The following REEP1 variants were observed in gnomAD, a reference collection of about 807,000 sequenced individuals.
The protein encoded by REEP1 is receptor expression-enhancing protein 1.
Under a neutral mutation model 40.3 loss-of-function variants are expected in REEP1, and 22 were observed. The observed-to-expected ratio is 0.55, with a 90% confidence interval of 0.39 to 0.78. The LOEUF (loss-of-function observed/expected upper bound fraction) is 0.78, where lower values mean the gene tolerates loss of function less well. Among genes scored for constraint, REEP1 ranks in the 30% least tolerant of loss-of-function variants. The pLI is 0.00. For missense variants in REEP1, 280 were observed against 361.1 expected (o/e 0.78, Z 1.82); for synonymous variants, 116 against 139.2 (o/e 0.83, Z 1.17).
rs1674081695 is a variant in REEP1, at chr2:86,215,853, CAGA to C, written c.*1183_*1185del. On this transcript the variant is annotated 3_prime_UTR_variant, in exon 9 of 9. Transcript: ENST00000538924. ...CATTCTGCACAGGCCAGGAGGGGAACAGAAGGTGTGAGCCACAGGTGCTCCTGG... is the reference window on the plus strand; with the variant it reads ...CATTCTGCACAGGCCAGGAGGGGAACAGGTGTGAGCCACAGGTGCTCCTGG... 6.6e-6 allele frequency: 1 copy of C among 152,242 alleles called. No individual in the cohort carries two copies. The allele number at this position is 152,242 out of a possible 1,614,324, so 9.4% of individuals were successfully genotyped here.
At chr2:86,242,155 A>C (rs1319598376) in intron 5 of REEP1, among the ~76,000 whole-genome samples, 1 of 152,208 alleles carries the variant, frequency 6.6e-6, no homozygotes, top group East Asian at 1.9e-4. Context: ...CATTCTGTGA[A>C]GTCTTTACAC....
In REEP1 at chr2:86,337,159, C is replaced by T; in HGVS notation, c.32+320G>A. 6.0e-6 allele frequency: 1 copy of T among 167,560 alleles called. No homozygotes were observed. The highest frequency in any genetic ancestry group is 1.3e-5 in the Non-Finnish European group (1 of 78,378). 10.4% of individuals were successfully genotyped at this position (167,560 alleles called of 1,614,324 possible). On this transcript the variant is annotated intron_variant, in intron 1 of 8. Transcript: ENST00000538924. This position sits in a 1 kb window ranked among gnomAD's most constrained non-coding sequence, Gnocchi z 5.8. Reference sequence around the variant, plus strand: ...GCGCCCATTCGGGGCCTCTGCAAATCGACCGAGCTGAGGAACAAAGCGGCC... The same window carrying T: ...GCGCCCATTCGGGGCCTCTGCAAATTGACCGAGCTGAGGAACAAAGCGGCC...
upstream of REEP1, chr2:86,338,011 A>C: frequency 1.3e-6 from 2 of 1,536,676 alleles, no homozygotes; most frequent in South Asian, 2.4e-5. Flanking sequence ...CGTTAGCCTC[A>C]TAAAGGGTTT....
intron 2 of REEP1, among the ~76,000 whole-genome samples, chr2:86,269,825 AC>A (rs1677337776): frequency 6.6e-6 from 1 of 152,010 alleles, no homozygotes; most frequent in African/African-American, 2.4e-5. Context: ...CTGATAAAGC[AC>A]TTATATTTAA....
chr2:86,328,857 A>G (rs1426442718), intron 1 of REEP1, among the ~76,000 whole-genome samples: 2 of 152,166 alleles, frequency 1.3e-5, no homozygotes, highest in Non-Finnish European at 2.9e-5. Context: ...GTCCCGTGGC[A>G]GCGTCTAGGG....
At position 86,245,764 on chromosome 2, in the gene REEP1, A is replaced by AT. The variant is rs869240092; in HGVS notation, c.417+6192dup. Among the ~76,000 whole-genome samples the AT allele has an allele frequency of 9.3e-3, 1,246 of 133,884 alleles. 10 individuals are homozygous for AT. Among genetic ancestry groups the AT allele is most frequent in the African/African-American group, 0.021 (750 of 36,408 alleles). The allele number at this position is 133,884 out of a possible 152,430, so 87.8% of individuals were successfully genotyped here. On this transcript the variant is annotated intron_variant, in intron 5 of 8. Coordinates refer to ENST00000538924, the MANE Select transcript of REEP1 (RefSeq NM_001371279.1). ...GAGGCTGGTCCCCAACATATACTCA[A>AT]TTTTTTTTTTTTTTTTTTGAGACAG...
intron 1 of REEP1, among the ~76,000 whole-genome samples, chr2:86,314,946 G>A (rs11892910): frequency 0.089 from 13,570 of 151,842 alleles, 1,052 homozygotes; most frequent in African/African-American, 0.21. Flanking sequence ...ACTCACCTCC[G>A]TCTCCCGAAG....
At chr2:86,239,713 G>A (rs1201179523) in intron 5 of REEP1, among the ~76,000 whole-genome samples, 1 of 152,166 alleles carries the variant, frequency 6.6e-6, no homozygotes, top group East Asian at 1.9e-4. Flanking sequence ...AATTTCTACT[G>A]CAATAGCATC....
At chr2:86,269,752 G>A (rs61392096) in intron 2 of REEP1, among the ~76,000 whole-genome samples, 10,214 of 151,978 alleles carry the variant, frequency 0.067, 529 homozygotes, top group African/African-American at 0.13. Context: ...AAAAACTTCC[G>A]CTCTGCACAG....
intron 2 of REEP1, among the ~76,000 whole-genome samples, chr2:86,265,577 A>G (rs1677088587): frequency 6.6e-6 from 1 of 152,060 alleles, no homozygotes; most frequent in East Asian, 1.9e-4. Flanking sequence ...ATACATACAT[A>G]TATATATATG....
At position 86,255,543 on chromosome 2, in the gene REEP1, T is replaced by C. The variant is rs534315075; in HGVS notation, c.183-729A>G. On this transcript the variant is annotated intron_variant, in intron 3 of 8. Coordinates refer to ENST00000538924, the MANE Select transcript of REEP1 (RefSeq NM_001371279.1). ...CCCCCACAGGCAGGCACCCAGTCCC[T>C]GTACGTGCCAGCTTGTACTGAGCAC... Among the ~76,000 whole-genome samples, 8 of 152,288 alleles carry C rather than the reference T, an allele frequency of 5.3e-5. No homozygotes were observed. In the South Asian group the frequency reaches 1.7e-3, roughly 32 times the overall value.
intron 7 of REEP1, among the ~76,000 whole-genome samples, chr2:86,221,608 T>C (rs888778556): frequency 1.2e-4 from 18 of 152,062 alleles, no homozygotes; most frequent in Non-Finnish European, 2.1e-4. Context: ...CAGCTTGTGT[T>C]GGGTGCCCTG....
At chr2:86,262,440 T>C (rs1333277235) in intron 3 of REEP1, among the ~76,000 whole-genome samples, 3 of 152,256 alleles carry the variant, frequency 2.0e-5, no homozygotes, top group Admixed American at 6.5e-5. Flanking sequence ...CACAAGCATA[T>C]TGAATTAGGA....
intron 1 of REEP1, among the ~76,000 whole-genome samples, chr2:86,283,255 T>G (rs1342629986): frequency 6.6e-6 from 1 of 152,214 alleles, no homozygotes; most frequent in Non-Finnish European, 1.5e-5. Flanking sequence ...TCCCAGAACC[T>G]ACCCCATAGT....
At chr2:86,296,790 G>A (rs1276844666) in intron 1 of REEP1, among the ~76,000 whole-genome samples, 1 of 152,132 alleles carries the variant, frequency 6.6e-6, no homozygotes, top group East Asian at 1.9e-4. Flanking sequence ...TGGGGAGGTG[G>A]AGGTTGCAGT....
At chr2:86,287,266 T>G (rs1198304849) in intron 1 of REEP1, among the ~76,000 whole-genome samples, 1 of 152,152 alleles carries the variant, frequency 6.6e-6, no homozygotes, top group Non-Finnish European at 1.5e-5. Flanking sequence ...TTTTGTATTT[T>G]TAGTAGAGCC....
intron 3 of REEP1, among the ~76,000 whole-genome samples, chr2:86,255,654 C>A (rs1275975724): frequency 6.6e-6 from 1 of 152,178 alleles, no homozygotes; most frequent in Non-Finnish European, 1.5e-5. Flanking sequence ...ACTGGGAACA[C>A]AGACAAGATT....
At chr2:86,334,795 C>T (rs1014234046) in intron 1 of REEP1, among the ~76,000 whole-genome samples, 4 of 152,048 alleles carry the variant, frequency 2.6e-5, no homozygotes, top group African/African-American at 9.7e-5. Context: ...GTCTGAGAGC[C>T]CCTCTCATAG....
intron 5 of REEP1, among the ~76,000 whole-genome samples, chr2:86,244,246 A>C (rs749328677): frequency 1.3e-5 from 2 of 152,178 alleles, no homozygotes. Flanking sequence ...TAAAAGCAGT[A>C]TTTTATTCAA....
Sources: allele counts gnomAD v4.1 joint callset (sites outside exome capture counted in the v4.1 genomes callset), GRCh38; gene constraint gnomAD v4.1.1; non-coding constraint Gnocchi (gnomAD v3.1); transcripts MANE v1.5; gene names NCBI Gene and HGNC (gene_info 2026-07-23, HGNC 2026-07-21).